The following ADGRL3 variants were observed in gnomAD, a reference collection of about 807,000 sequenced individuals.
The protein encoded by ADGRL3 is calcium-independent alpha-latrotoxin receptor 3.
In ADGRL3, 62 loss-of-function variants were observed where a neutral mutation model predicts 153.5. The ratio of observed to expected loss-of-function variants is 0.40; its 90% CI spans 0.33 to 0.50. The LOEUF (loss-of-function observed/expected upper bound fraction) is 0.50, where lower values mean the gene tolerates loss of function less well. Ranked by LOEUF, ADGRL3 falls within the 20% of genes least tolerant of loss-of-function variation. The pLI is 0.47. For missense variants in ADGRL3, 1,641 were observed against 1,859.4 expected, an observed-to-expected ratio of 0.88 and a Z score of 2.16; for synonymous variants, 710 against 672.5, an observed-to-expected ratio of 1.06 and a Z score of -0.86.
At chr4:61,665,402 C>T (rs77505967) in intron 5 of ADGRL3, among the ~76,000 whole-genome samples, 2,856 of 152,166 alleles carry the variant, frequency 0.019, 33 homozygotes, top group Non-Finnish European at 0.03. Flanking sequence ...CAAAGCGAAA[C>T]TGTCTTAAAA....
intron 1 of ADGRL3, among the ~76,000 whole-genome samples, chr4:61,220,033 G>T (rs891011459): frequency 2.0e-5 from 3 of 151,448 alleles, no homozygotes; most frequent in Non-Finnish European, 4.4e-5. Flanking sequence ...GCTTGAACCT[G>T]GGGGGCGGAG....
At position 62,071,031 on chromosome 4, in the gene ADGRL3, C is replaced by A; in HGVS notation, c.*123C>A. On this transcript the variant is annotated 3_prime_UTR_variant, in exon 27 of 27. Coordinates refer to ENST00000683033, the MANE Select transcript of ADGRL3 (RefSeq NM_001387552.1). ...CTTTATGCTGTCCTCTAAAGACAAA[C>A]ACAAACTCTCAGACTTTTTTTTTTT... 3 of 852,766 alleles carry A rather than the reference C, an allele frequency of 3.5e-6. No individual in the cohort carries two copies. Among genetic ancestry groups the A allele is most frequent in the Non-Finnish European group, 5.3e-6 (3 of 570,514 alleles). 52.8% of individuals were successfully genotyped at this position (852,766 alleles called of 1,614,324 possible). A position where few individuals can be genotyped will look rare whatever the true frequency, so the allele number is the denominator to read the frequency against.
chr4:61,315,270 T>C (rs1009719498), intron 1 of ADGRL3, among the ~76,000 whole-genome samples: 3 of 152,166 alleles, frequency 2.0e-5, no homozygotes, highest in Non-Finnish European at 4.4e-5. Flanking sequence ...TGTCCATAGG[T>C]CCCCTTACTT....
intron 1 of ADGRL3, among the ~76,000 whole-genome samples, chr4:61,352,019 C>T (rs1372837583): frequency 6.6e-6 from 1 of 152,068 alleles, no homozygotes; most frequent in East Asian, 1.9e-4. Flanking sequence ...AAATTGAAAA[C>T]CTTCTAGAAA....
At chr4:61,541,842 TACAC>T (rs3075148) in intron 4 of ADGRL3, among the ~76,000 whole-genome samples, 4,747 of 146,364 alleles carry the variant, frequency 0.032, 109 homozygotes, top group South Asian at 0.066. Flanking sequence ...TGTGTGTGTA[TACAC>T]ACACACACAC....
rs188262076 is a variant in ADGRL3 at position 61,907,918 on chromosome 4, C to T, written c.1888-1642C>T. On this transcript the variant is annotated intron_variant, in intron 11 of 26. Transcript: ENST00000683033. ...TCTGAGAATGCAGGTCAGCAAGTCCCGGCCTTATTTTCCTAGCCCTCACTC... is the reference window on the plus strand; with the variant it reads ...TCTGAGAATGCAGGTCAGCAAGTCCTGGCCTTATTTTCCTAGCCCTCACTC... 3.7e-3 allele frequency among the ~76,000 whole-genome samples: 556 copies of T among 152,208 alleles called. 3 individuals carry two copies. Among genetic ancestry groups the T allele is most frequent in the Admixed American group, 9.3e-3 (142 of 15,294 alleles).
chr4:61,230,590 T>A (rs1292236990), intron 1 of ADGRL3, among the ~76,000 whole-genome samples: 2 of 152,192 alleles, frequency 1.3e-5, no homozygotes, highest in Non-Finnish European at 2.9e-5. Context: ...GTCACTATGT[T>A]GCCCAGGCTG....
chr4:61,219,408 G>T lies in ADGRL3; in HGVS notation c.-240+17643G>T, dbSNP rs148266162. On this transcript the variant is annotated intron_variant, in intron 1 of 26. Coordinates refer to ENST00000683033, the MANE Select transcript of ADGRL3 (RefSeq NM_001387552.1). ...TTTTTAATATGTTTGTATTTTAAAT[G>T]CTGTATGAAAACCATAAAGCCAGAT... 5.4e-4 allele frequency among the ~76,000 whole-genome samples: 82 copies of T among 152,252 alleles called. No individual in the cohort carries two copies. In the East Asian group the frequency reaches 0.014, roughly 26 times the overall value.
At chr4:61,702,098 C>A (rs2095775010) in intron 6 of ADGRL3, among the ~76,000 whole-genome samples, 1 of 152,144 alleles carries the variant, frequency 6.6e-6, no homozygotes, top group Non-Finnish European at 1.5e-5. Flanking sequence ...CACAGACTGA[C>A]TGAAGGGGAT....
chr4:61,444,738 C>A (rs567922343), intron 2 of ADGRL3, among the ~76,000 whole-genome samples: 1 of 152,164 alleles, frequency 6.6e-6, no homozygotes, highest in Admixed American at 6.5e-5. Flanking sequence ...AGAATCTCTG[C>A]AATCAATTTC....
At chr4:61,688,014 G>A (rs186093266) in intron 6 of ADGRL3, among the ~76,000 whole-genome samples, 8 of 152,014 alleles carry the variant, frequency 5.3e-5, no homozygotes, top group Non-Finnish European at 7.4e-5. Flanking sequence ...AGAAACATAC[G>A]GTTTTCTCAT....
intron 9 of ADGRL3, among the ~76,000 whole-genome samples, chr4:61,855,536 T>A (rs145456865): frequency 6.6e-6 from 1 of 152,120 alleles, no homozygotes; most frequent in African/African-American, 2.4e-5. Context: ...TGATAAGAAA[T>A]ACTGATAAAC....
At chr4:61,245,029 C>T (rs185530153) in intron 1 of ADGRL3, among the ~76,000 whole-genome samples, 7 of 152,092 alleles carry the variant, frequency 4.6e-5, no homozygotes, top group East Asian at 1.9e-4. Flanking sequence ...GCATGAAGAA[C>T]GGGGCTGCAA....
rs1172181590 is a variant in ADGRL3, at chr4:61,856,598, CTCTCTCTTTTTTTT to C, written c.1481-36056_1481-36043del. On this transcript the variant is annotated intron_variant, in intron 9 of 26. Transcript: ENST00000683033. ...CTCTCTCTCTTTTTTCTCTCTCTCT[CTCTCTCTTTTTTTT>C]TTTTTTTTTTTTTTTTTTTTTGCGA... Among the ~76,000 whole-genome samples, 32 of 56,920 alleles carry C rather than the reference CTCTCTCTTTTTTTT, an allele frequency of 5.6e-4. 1 individual carries two copies. The highest frequency in any genetic ancestry group is 1.2e-3 in the Non-Finnish European group (28 of 24,004). 37.3% of individuals were successfully genotyped at this position (56,920 alleles called of 152,430 possible).
intron 2 of ADGRL3, among the ~76,000 whole-genome samples, chr4:61,412,584 T>C (rs537453158): frequency 2.0e-5 from 3 of 152,298 alleles, no homozygotes; most frequent in African/African-American, 7.2e-5. Flanking sequence ...GGTAAATCTT[T>C]TGTTGTAGTT....
chr4:61,244,712 A>G (rs1049908221), intron 1 of ADGRL3, among the ~76,000 whole-genome samples: 1 of 151,970 alleles, frequency 6.6e-6, no homozygotes, highest in Non-Finnish European at 1.5e-5. Context: ...GATAGAACCT[A>G]TGGACTCTGG....
At position 61,946,631 on chromosome 4, in the gene ADGRL3, C is replaced by A. The variant is rs575936914; in HGVS notation, c.2420-283C>A. The stretch of plus-strand genomic sequence containing the variant: ...ATTATTCTATATTTTGTTCTAGAAG[C>A]CTTATGATTCTGGTTTTTATGTTTA... On this transcript the variant is annotated intron_variant, in intron 15 of 26. Transcript: ENST00000683033. Among the ~76,000 whole-genome samples, 5 of 152,150 alleles carry A rather than the reference C, an allele frequency of 3.3e-5. No homozygotes were observed. In the South Asian group the frequency reaches 1.0e-3, roughly 32 times the overall value.
At chr4:61,499,854 T>C (rs1242466411) in intron 3 of ADGRL3, among the ~76,000 whole-genome samples, 1 of 152,154 alleles carries the variant, frequency 6.6e-6, no homozygotes, top group African/African-American at 2.4e-5. Context: ...GATTCCTTTT[T>C]CAGAACTAAA....
intron 9 of ADGRL3, among the ~76,000 whole-genome samples, chr4:61,865,076 G>A (rs1341069617): frequency 1.3e-5 from 2 of 152,074 alleles, no homozygotes; most frequent in Non-Finnish European, 2.9e-5. Flanking sequence ...CATGTCACTC[G>A]TCTCTCGCAG....
Sources: allele counts gnomAD v4.1 joint callset (sites outside exome capture counted in the v4.1 genomes callset), GRCh38; gene constraint gnomAD v4.1.1; transcripts MANE v1.5; gene names NCBI Gene and HGNC (gene_info 2026-07-23, HGNC 2026-07-21).